The following CLYBL variants were observed in gnomAD, a reference collection of about 807,000 sequenced individuals.
CLYBL encodes the protein citramalyl-CoA lyase, also known as citramalyl-CoA lyase, mitochondrial.
In CLYBL, 31 loss-of-function variants were observed where a neutral mutation model predicts 38.9. The observed-to-expected ratio is 0.80, with a 90% CI of 0.60 to 1.08. CLYBL has a LOEUF of 1.08. Among genes scored for constraint, CLYBL ranks in the 50% least tolerant of loss-of-function variants. The probability of loss-of-function intolerance (pLI) is 0.00; values close to 1 mark genes in which losing one functional copy is unlikely to be tolerated. For missense variants in CLYBL, 434 were observed against 411.6 expected (o/e 1.05, Z -0.47); for synonymous variants, 171 against 158.6 (o/e 1.08, Z -0.59).
intron 7 of CLYBL, among the ~76,000 whole-genome samples, chr13:99,890,897 A>C (rs1440386270): frequency 1.3e-5 from 2 of 152,184 alleles, no homozygotes; most frequent in African/African-American, 4.8e-5. Context: ...TACAGCAAGG[A>C]GGTAAGATTT....
chr13:99,650,179 C>T (rs1233070077), intron 1 of CLYBL, among the ~76,000 whole-genome samples: 3 of 151,684 alleles, frequency 2.0e-5, no homozygotes, highest in Non-Finnish European at 2.9e-5. Flanking sequence ...AGGAGAATGG[C>T]GTGAACCCAG....
At chr13:99,866,545 C>CA in intron 6 of CLYBL, 138 bp downstream of exon 6, 1 of 678,954 alleles carries the variant, frequency 1.5e-6, no homozygotes, top group South Asian at 2.9e-5. Flanking sequence ...GCAAGTCACA[C>CA]AGGGGAAGAA....
chr13:99,875,435 C>T lies in CLYBL; in HGVS notation c.927+4373C>T, dbSNP rs143163325. Among the ~76,000 whole-genome samples the T allele has an allele frequency of 1.5e-3, 232 of 152,220 alleles. 1 individual carries two copies. The highest frequency in any genetic ancestry group is 5.4e-3 in the African/African-American group (223 of 41,520). ...TCCCTCCTCCCAAAATATTGAAAGC[C>T]CATCATTTTCATAGGTGTCTGATTG... On this transcript the variant is annotated intron_variant, in intron 7 of 8. Coordinates refer to ENST00000339105, the MANE Select transcript of CLYBL (RefSeq NM_206808.5).
At chr13:99,607,573 A>C (rs969311729) in intron 1 of CLYBL, among the ~76,000 whole-genome samples, 1 of 152,130 alleles carries the variant, frequency 6.6e-6, no homozygotes, top group African/African-American at 2.4e-5. Context: ...GTGCACATAC[A>C]TGGTCTCATT....
chr13:99,822,313 T>A (rs563899733), intron 2 of CLYBL, among the ~76,000 whole-genome samples: 1 of 152,300 alleles, frequency 6.6e-6, no homozygotes, highest in Admixed American at 6.5e-5. Context: ...TAGAGAAGAA[T>A]GTAAATAGCA....
intron 7 of CLYBL, among the ~76,000 whole-genome samples, chr13:99,877,126 C>G (rs2052063235): frequency 6.6e-6 from 1 of 152,166 alleles, no homozygotes; most frequent in South Asian, 2.1e-4. Flanking sequence ...CCTGGGGAGC[C>G]TTTGGCAGAG....
At chr13:99,829,229 C>T (rs146451666) in intron 2 of CLYBL, among the ~76,000 whole-genome samples, 2 of 152,300 alleles carry the variant, frequency 1.3e-5, no homozygotes, top group African/African-American at 2.4e-5. Context: ...GAATAGGCAC[C>T]GTAGCATCCA....
intron 1 of CLYBL, among the ~76,000 whole-genome samples, chr13:99,642,627 A>G (rs536036923): frequency 9.9e-5 from 15 of 151,902 alleles, no homozygotes; most frequent in African/African-American, 2.7e-4. Context: ...CATGTTGTCC[A>G]GGCTGGTCTC....
chr13:99,655,257 G>A (rs1462705968), intron 1 of CLYBL, among the ~76,000 whole-genome samples: 1 of 151,954 alleles, frequency 6.6e-6, no homozygotes, highest in African/African-American at 2.4e-5. Flanking sequence ...TGTATTTTTA[G>A]TAGAGACGGG....
At chr13:99,726,200 T>C (rs1354210771) in intron 1 of CLYBL, 1 of 152,262 alleles carries the variant, frequency 6.6e-6, no homozygotes, top group Non-Finnish European at 1.5e-5. Context: ...TCATTTGTTC[T>C]TTCTGGTACT....
intron 1 of CLYBL, among the ~76,000 whole-genome samples, chr13:99,711,229 G>A (rs538052114): frequency 4.6e-5 from 7 of 151,784 alleles, no homozygotes; most frequent in Non-Finnish European, 8.8e-5. Context: ...CCATAAACTG[G>A]GTGTCTTATA....
chr13:99,866,399 G>C lies in CLYBL; in HGVS notation c.794G>C (p.Gly265Ala). 6.2e-7 allele frequency: 1 copy of C among 1,611,720 alleles called. No homozygotes were observed. The highest frequency in any genetic ancestry group is 8.5e-7 in the Non-Finnish European group (1 of 1,179,526). The change falls in exon 6 of 9, where the codon GGC becomes GCC. Residue 265 changes from glycine (G) to alanine (A), a missense_variant. Coordinates refer to ENST00000339105, the MANE Select transcript of CLYBL (RefSeq NM_206808.5). The stretch of plus-strand genomic sequence containing the variant: ...CAGTCACGAGAAGGAGCCGCCATGG[G>C]CTTCACTGGTATGATTCCTGTCTTA... ...LRQSREGAAM[G>A]FTGKQVIHPN...
intron 1 of CLYBL, among the ~76,000 whole-genome samples, chr13:99,687,997 A>G (rs545720961): frequency 6.6e-6 from 1 of 152,360 alleles, no homozygotes; most frequent in Admixed American, 6.5e-5. Context: ...TTAAAAGGTG[A>G]TAATTAGGAA....
chr13:99,744,507 C>A (rs1204148555), intron 1 of CLYBL, among the ~76,000 whole-genome samples: 1 of 152,128 alleles, frequency 6.6e-6, no homozygotes, highest in African/African-American at 2.4e-5. Context: ...CAGCAGTCTG[C>A]AGGGTTCTTA....
chr13:99,899,053 C>A (rs950239476), downstream of CLYBL, among the ~76,000 whole-genome samples: 1 of 152,210 alleles, frequency 6.6e-6, no homozygotes. Context: ...TACGTGCAGA[C>A]AGAAGAAGAA....
chr13:99,687,642 A>C lies in CLYBL; in HGVS notation c.62+80885A>C, dbSNP rs182916567. Among the ~76,000 whole-genome samples, 497 of 152,360 alleles carry C rather than the reference A, an allele frequency of 3.3e-3. 3 individuals carry two copies. Among genetic ancestry groups the C allele is most frequent in the Non-Finnish European group, 4.6e-3 (313 of 68,048 alleles). ...ATAGACTTTTGAACCAAAAGACATA[A>C]GGGACTATACTTACATTGCCTTAAC... On this transcript the variant is annotated intron_variant, in intron 1 of 8. Coordinates refer to ENST00000339105, the MANE Select transcript of CLYBL (RefSeq NM_206808.5).
chr13:99,848,954 C>T (rs1350232327), intron 2 of CLYBL, among the ~76,000 whole-genome samples: 2 of 152,112 alleles, frequency 1.3e-5, no homozygotes, highest in Non-Finnish European at 2.9e-5. Flanking sequence ...GCCTGGCCAA[C>T]GTGGTGAAAC....
At chr13:99,694,901 G>A (rs1040775448) in intron 1 of CLYBL, among the ~76,000 whole-genome samples, 12 of 152,108 alleles carry the variant, frequency 7.9e-5, no homozygotes, top group Admixed American at 3.9e-4. Context: ...CCTTTTGAAA[G>A]TTGGGGGAAA....
chr13:99,614,402 G>T (rs2139181669), intron 1 of CLYBL, among the ~76,000 whole-genome samples: 1 of 152,290 alleles, frequency 6.6e-6, no homozygotes, highest in South Asian at 2.1e-4. Context: ...ACATCATGCA[G>T]ACCAGGAGTA....
Sources: allele counts gnomAD v4.1 joint callset (sites outside exome capture counted in the v4.1 genomes callset), GRCh38; gene constraint gnomAD v4.1.1; transcripts MANE v1.5; gene names NCBI Gene and HGNC (gene_info 2026-07-23, HGNC 2026-07-21).